Variants in TBCK observed in about 807,000 individuals in gnomAD.
TBCK encodes TBC1 domain containing kinase, also known as TBC domain-containing protein kinase-like protein.
A neutral mutation model predicts 113.4 loss-of-function variants in TBCK; 99 were observed. The observed-to-expected ratio is 0.87, with a 90% CI of 0.74 to 1.03. The LOEUF (loss-of-function observed/expected upper bound fraction) is 1.03, where lower values mean the gene tolerates loss of function less well. Ranked by LOEUF, TBCK falls within the 50% of genes least tolerant of loss-of-function variation. The pLI, the probability that TBCK is intolerant of heterozygous loss-of-function variation, is 0.00. For synonymous variants in TBCK, 369 were observed against 370.8 expected (o/e 1.00, Z 0.05); for missense variants, 1,045 against 1,061.3 (o/e 0.98, Z 0.21).
intron 25 of TBCK, among the ~76,000 whole-genome samples, chr4:106,078,125 A>G (rs964488491): frequency 6.6e-6 from 1 of 152,194 alleles, no homozygotes; most frequent in African/African-American, 2.4e-5. Flanking sequence ...AGTTTGGGAC[A>G]CAGTTACAGT....
intron 20 of TBCK, among the ~76,000 whole-genome samples, chr4:106,198,402 CTA>C (rs1754500742): frequency 6.6e-6 from 1 of 152,020 alleles, no homozygotes; most frequent in South Asian, 2.1e-4. Context: ...TACTACTTCC[CTA>C]CACATGTTCT....
intron 22 of TBCK, among the ~76,000 whole-genome samples, chr4:106,186,826 G>A (rs988188262): frequency 6.6e-6 from 1 of 152,114 alleles, no homozygotes; most frequent in Admixed American, 6.6e-5. Context: ...CCCAGGTCCA[G>A]ATTGGTGTTT....
At chr4:106,220,136 C>G (rs1757504123) in intron 19 of TBCK, among the ~76,000 whole-genome samples, 1 of 152,134 alleles carries the variant, frequency 6.6e-6, no homozygotes, top group South Asian at 2.1e-4. Flanking sequence ...GTGTCCCCAC[C>G]CAAATCTCAA....
chr4:106,308,632 G>T, intron 2 of TBCK, 136 bp downstream of exon 2: 1 of 783,222 alleles, frequency 1.3e-6, no homozygotes, highest in Non-Finnish European at 2.0e-6. Flanking sequence ...GGCAGGGTGG[G>T]GGAAAAGGAT....
intron 1 of TBCK, among the ~76,000 whole-genome samples, chr4:106,310,944 A>G (rs1233970624): frequency 1.3e-5 from 2 of 152,206 alleles, no homozygotes; most frequent in Non-Finnish European, 2.9e-5. Context: ...AACACATTAT[A>G]CAAAAGAATA....
At chr4:106,116,791 A>T (rs553546996) in intron 23 of TBCK, among the ~76,000 whole-genome samples, 1 of 152,050 alleles carries the variant, frequency 6.6e-6, no homozygotes, top group Non-Finnish European at 1.5e-5. Flanking sequence ...ATGCCTGATG[A>T]TCTGTCATTG....
intron 23 of TBCK, 117 bp from the exon 24 acceptor site, chr4:106,116,495 T>C (rs1277948305): frequency 9.1e-6 from 8 of 879,814 alleles, no homozygotes; most frequent in African/African-American, 5.1e-5. Flanking sequence ...GAGGAAACTA[T>C]CTAATTTTCA....
intron 11 of TBCK, among the ~76,000 whole-genome samples, chr4:106,243,060 G>A (rs925585354): frequency 2.6e-5 from 4 of 151,894 alleles, no homozygotes; most frequent in African/African-American, 9.7e-5. Flanking sequence ...TTTTATGGCT[G>A]CATAGTATTC....
At chr4:106,241,365 C>T (rs1346532890) in intron 12 of TBCK, among the ~76,000 whole-genome samples, 1 of 151,598 alleles carries the variant, frequency 6.6e-6, no homozygotes, top group Non-Finnish European at 1.5e-5. Flanking sequence ...CAATCAAAAC[C>T]CTATAATTTT....
intron 3 of TBCK, among the ~76,000 whole-genome samples, chr4:106,282,452 T>C (rs1362912279): frequency 6.6e-6 from 1 of 152,076 alleles, no homozygotes; most frequent in African/African-American, 2.4e-5. Context: ...AATTTTGGGA[T>C]TGGTTTGCTC....
intron 19 of TBCK, among the ~76,000 whole-genome samples, chr4:106,214,982 T>A (rs1300285502): frequency 6.6e-6 from 1 of 150,860 alleles, no homozygotes; most frequent in East Asian, 1.9e-4. Context: ...CGGGTTACCC[T>A]CAAAGGGAAG....
At chr4:106,271,357 T>C (rs1454068781) in intron 3 of TBCK, among the ~76,000 whole-genome samples, 1 of 152,212 alleles carries the variant, frequency 6.6e-6, no homozygotes, top group Non-Finnish European at 1.5e-5. Context: ...ATATGGATTC[T>C]TAATTTTAGG....
Position 106,193,640 on chromosome 4 carries a change from A to G in TBCK, c.2028T>C (p.Asn676=). 6.2e-7 allele frequency: 1 copy of G among 1,613,640 alleles called. No homozygotes were observed. The highest frequency in any genetic ancestry group is 8.5e-7 in the Non-Finnish European group (1 of 1,179,644). ...LRDRLLANGF[N]ECILLFSDLP... ...AATCGGAGAAGAGAAGAATACACTC[A>G]TTAAAGCCATTAGCCAAAAGCCGGT... The change falls in exon 22 of 26, where the codon AAT becomes AAC. Residue 676 remains asparagine, a synonymous_variant. Transcript: ENST00000394708.
At chr4:106,096,789 CTG>C (rs1283224245) in intron 24 of TBCK, among the ~76,000 whole-genome samples, 1 of 152,206 alleles carries the variant, frequency 6.6e-6, no homozygotes, top group East Asian at 1.9e-4. Context: ...AATGCTCAGA[CTG>C]TGTTAAGCTT....
chr4:106,106,320 A>G (rs1458667304), intron 24 of TBCK, among the ~76,000 whole-genome samples: 6 of 152,190 alleles, frequency 3.9e-5, no homozygotes, highest in Non-Finnish European at 7.3e-5. Context: ...ACGCAAGATC[A>G]TACATGAGAC....
chr4:106,299,546 T>C (rs1460568872), intron 2 of TBCK, among the ~76,000 whole-genome samples: 1 of 152,202 alleles, frequency 6.6e-6, no homozygotes, highest in Non-Finnish European at 1.5e-5. Context: ...ATGGAACTAT[T>C]AAGCATAGTT....
chr4:106,047,040 C>CTAT (rs1734296988), intron 25 of TBCK, among the ~76,000 whole-genome samples: 2 of 152,102 alleles, frequency 1.3e-5, no homozygotes, highest in South Asian at 4.1e-4. Context: ...ATTAATGTTA[C>CTAT]TATTTTTAGG....
chr4:106,181,821 T>C (rs933800453), intron 22 of TBCK, among the ~76,000 whole-genome samples: 2 of 152,186 alleles, frequency 1.3e-5, no homozygotes, highest in African/African-American at 4.8e-5. Context: ...AGCTTTGTTC[T>C]TCTTGCCAAG....
Position 106,239,322 on chromosome 4 carries a change from A to G in TBCK, c.1171-2514T>C, listed in dbSNP as rs142059515. Among the ~76,000 whole-genome samples the G allele has an allele frequency of 5.7e-3, 864 of 152,158 alleles. 10 individuals are homozygous for G. Among genetic ancestry groups the G allele is most frequent in the African/African-American group, 0.02 (834 of 41,510 alleles). On this transcript the variant is annotated intron_variant, in intron 12 of 25. Transcript: ENST00000394708. ...CCCAGGAACACAGGCTCACTAAAAA[A>G]CTGGGACTTAATGATAAGATTATAA...
Sources: gnomAD v4.1 joint callset for allele counts (sites outside exome capture counted in the v4.1 genomes callset) on GRCh38, gnomAD v4.1.1 for gene constraint, MANE v1.5 for transcripts, NCBI Gene and HGNC (gene_info 2026-07-23, HGNC 2026-07-21) for gene names.